Variants in UBN1 observed in about 807,000 individuals in gnomAD.
UBN1 encodes the protein ubinuclein-1.
Under a neutral mutation model 108.5 loss-of-function variants are expected in UBN1, and 17 were observed. The ratio of observed to expected loss-of-function variants is 0.16; its 90% CI spans 0.11 to 0.24. UBN1 has a LOEUF of 0.24. Ranked by LOEUF, UBN1 falls within the 10% of genes least tolerant of loss-of-function variation. UBN1 has a pLI of 1.00. For missense variants in UBN1, 1,595 were observed against 1,394.4 expected, an observed-to-expected ratio of 1.14 and a Z score of -2.29; for synonymous variants, 726 against 564.2, an observed-to-expected ratio of 1.29 and a Z score of -4.07.
chr16:4,869,305 G>A (rs1359503056), intron 8 of UBN1, among the ~76,000 whole-genome samples: 4 of 152,216 alleles, frequency 2.6e-5, no homozygotes, highest in East Asian at 1.9e-4. Flanking sequence ...GTTGCTTGGC[G>A]TCCCTGGCTG....
At chr16:4,871,828 T>C (rs764457542) in intron 12 of UBN1, among the ~76,000 whole-genome samples, 52 of 152,122 alleles carry the variant, frequency 3.4e-4, no homozygotes, top group Non-Finnish European at 6.5e-4. Flanking sequence ...CCTTGTGATC[T>C]GCCCACCTTG....
chr16:4,850,112 G>T (rs940323089), intron 1 of UBN1, among the ~76,000 whole-genome samples: 1 of 151,938 alleles, frequency 6.6e-6, no homozygotes, highest in Non-Finnish European at 1.5e-5. Flanking sequence ...TAAGTCTAAC[G>T]TACCATTGTT....
intron 1 of UBN1, among the ~76,000 whole-genome samples, chr16:4,849,353 A>C (rs1567872013): frequency 6.6e-6 from 1 of 152,152 alleles, no homozygotes; most frequent in Non-Finnish European, 1.5e-5. Context: ...GAAAACAAAA[A>C]CAAAAACCAA....
In UBN1 at chr16:4,870,907, T is replaced by C; in HGVS notation, c.1494T>C (p.Asp498=). 6.2e-7 allele frequency: 1 copy of C among 1,613,750 alleles called. No homozygotes were observed. The highest frequency in any genetic ancestry group is 8.5e-7 in the Non-Finnish European group (1 of 1,179,948). The change falls in exon 11 of 18, where the codon GAT becomes GAC. Residue 498 remains aspartate, a synonymous_variant. Coordinates refer to ENST00000262376, the MANE Select transcript of UBN1 (RefSeq NM_001079514.3). ...RDRICSDEEE[D]EEKGGRRIMG... is the part of the protein sequence containing the mutation. ...GGATTTGTTCGGATGAGGAAGAAGATGAAGAAAAAGGGGGCAGGAGGATAA... is the reference window on the plus strand; with the variant it reads ...GGATTTGTTCGGATGAGGAAGAAGACGAAGAAAAAGGGGGCAGGAGGATAA...
At chr16:4,856,645 C>T (rs1204323312) in intron 2 of UBN1, among the ~76,000 whole-genome samples, 3 of 151,560 alleles carry the variant, frequency 2.0e-5, no homozygotes, top group South Asian at 2.1e-4. Flanking sequence ...CTGGACCTTC[C>T]GTCATACAGT....
chr16:4,867,873 C>T (rs2087415661), intron 7 of UBN1, among the ~76,000 whole-genome samples: 1 of 152,150 alleles, frequency 6.6e-6, no homozygotes, highest in Non-Finnish European at 1.5e-5. Context: ...TACTGTATAT[C>T]ATGTCTGATT....
rs369469145 is a variant in UBN1, at chr16:4,874,814, C to A, written c.2404C>A (p.Pro802Thr). The change falls in exon 15 of 18, where the codon CCC becomes ACC. Residue 802 changes from proline to threonine, a missense_variant. By Grantham distance (38) the Pro-to-Thr change is conservative. Coordinates refer to ENST00000262376, the MANE Select transcript of UBN1 (RefSeq NM_001079514.3). ...CCAAGTGGCAGTTCCTGTGCCTGGC[C>A]CCCAGGTCAAAGTCTTTCATGCCGG... Reference protein sequence around the residue: ...GPQVAVPVPGPQVKVFHAGTQ... With the variant: ...GPQVAVPVPGTQVKVFHAGTQ... 6.2e-7 allele frequency: 1 copy of A among 1,613,978 alleles called. No homozygotes were observed. The highest frequency in any genetic ancestry group is 1.1e-5 in the South Asian group (1 of 91,090).
Position 4,872,797 on chromosome 16 carries a change from G to A in UBN1, c.1707-87G>A, listed in dbSNP as rs1012284444. On this transcript the variant is annotated intron_variant, in intron 12 of 17. Transcript: ENST00000262376. ...TGACATTTAATGAGGGATAGCTACT[G>A]AGGACCAGGGACACTAGCAAAGTTC... 2.0e-6 allele frequency: 3 copies of A among 1,484,376 alleles called. No individual in the cohort carries two copies. The African/African-American group carries it at 4.1e-5, about 21-fold the overall frequency. The allele number at this position is 1,484,376 out of a possible 1,614,324, so 92.0% of individuals were successfully genotyped here. A position where few individuals can be genotyped will look rare whatever the true frequency, so the allele number is the denominator to read the frequency against.
At chr16:4,871,404 C>G (rs867000958) in intron 12 of UBN1, 103 bp downstream of exon 12, 14 of 1,489,962 alleles carry the variant, frequency 9.4e-6, no homozygotes, top group Non-Finnish European at 1.3e-5. Flanking sequence ...GAGTCACTGT[C>G]TAGCTGCCTC....
In UBN1 at chr16:4,868,884, A is replaced by T; in HGVS notation, c.1162A>T (p.Ile388Phe). The T allele has an allele frequency of 6.2e-7, 1 of 1,613,934 alleles. No homozygotes were observed. Among genetic ancestry groups the T allele is most frequent in the Non-Finnish European group, 8.5e-7 (1 of 1,179,880 alleles). ...CAGACAGAAGTTCTTCACCCAGGAT[A>T]TTAATGGAATCCTATTAGAGTGAGT... is the stretch of plus-strand genomic sequence containing the variant. ...ESRQKFFTQD[I>F]NGILLDIEAQ... The change falls in exon 8 of 18, where the codon ATT (isoleucine) becomes TTT (phenylalanine). Residue 388 changes from isoleucine (I) to phenylalanine (F), a missense_variant. By Grantham distance (21) the Ile-to-Phe change is conservative. Transcript: ENST00000262376.
At chr16:4,852,647 T>C (rs556900821) in intron 1 of UBN1, 1 of 329,894 alleles carries the variant, frequency 3.0e-6, no homozygotes, top group Non-Finnish European at 5.6e-6. Flanking sequence ...GTCAAGGATC[T>C]AGGATACACA....
intron 2 of UBN1, among the ~76,000 whole-genome samples, chr16:4,854,645 C>G (rs536893570): frequency 6.6e-6 from 1 of 151,572 alleles, no homozygotes; most frequent in African/African-American, 2.4e-5. Context: ...GGATTATAGG[C>G]GTGAGTCACC....
chr16:4,859,298 GC>G, intron 5 of UBN1, 139 bp downstream of exon 5: 1 of 1,235,548 alleles, frequency 8.1e-7, no homozygotes, highest in Non-Finnish European at 1.1e-6. Flanking sequence ...CAGGTTGATG[GC>G]TCGCCTCTTA....
chr16:4,875,009 G>C lies in UBN1; in HGVS notation c.2599G>C (p.Ala867Pro), dbSNP rs568629414. Residue 867 changes from alanine to proline, a missense_variant, in exon 15 of 18, where the codon GCC (alanine) becomes CCC (proline). Physicochemically the swap from Ala to Pro is conservative, Grantham distance 27. Transcript: ENST00000262376. ...ACCAGCCACCTCAGGAGGCCTGTCA[G>C]CCTCCAGCAGCAGCTCTCACAAGAC... ...SAPATSGGLS[A>P]SSSSSHKTPA... is the part of the protein sequence containing the mutation. The C allele has an allele frequency of 4.0e-5, 64 of 1,614,070 alleles. No individual in the cohort carries two copies. The highest frequency in any genetic ancestry group is 4.9e-5 in the Non-Finnish European group (58 of 1,180,048).
rs1596532864 is a variant in UBN1 at position 4,877,894 on chromosome 16, G to A, written c.3355+420G>A. On this transcript the variant is annotated intron_variant, in intron 17 of 17. Transcript: ENST00000262376. This position sits in a 1 kb window ranked among gnomAD's most constrained non-coding sequence, Gnocchi z 4.3. ...AATGCAAGCTGCTCCACTGTCAGAT[G>A]TGATTGCTTAACAGAAGGCTCTCTA... The A allele has an allele frequency of 3.2e-6, 3 of 935,736 alleles. No individual in the cohort carries two copies. The African/African-American group carries it at 5.3e-5, about 17-fold the overall frequency. The allele number at this position is 935,736 out of a possible 1,614,324, so 58.0% of individuals were successfully genotyped here.
In UBN1 at chr16:4,881,033, T is replaced by G. The variant is rs973875273; in HGVS notation, c.*901T>G. 5 of 152,488 alleles carry G rather than the reference T, an allele frequency of 3.3e-5. No homozygotes were observed. Among genetic ancestry groups the G allele is most frequent in the African/African-American group, 1.2e-4 (5 of 41,450 alleles). 9.4% of individuals were successfully genotyped at this position (152,488 alleles called of 1,614,324 possible). ...ACATCATTATCTGTGCCGTCCTGACTAGAAGGTTGTCTGGGCCCCCAAATT... is the reference window on the plus strand; with the variant it reads ...ACATCATTATCTGTGCCGTCCTGACGAGAAGGTTGTCTGGGCCCCCAAATT... On this transcript the variant is annotated 3_prime_UTR_variant, in exon 18 of 18. Transcript: ENST00000262376.
intron 12 of UBN1, 151 bp downstream of exon 12, chr16:4,871,452 G>A: frequency 2.6e-6 from 3 of 1,166,158 alleles, no homozygotes; most frequent in Non-Finnish European, 3.5e-6. Flanking sequence ...GGACATGCAG[G>A]TAGCTGGGAA....
rs563624567 is a variant in UBN1 at position 4,875,143 on chromosome 16, T to C, written c.2733T>C (p.His911=). ...NNPFASSISK[H]GVSSGSSSSG... Reference sequence around the variant, plus strand: ...CCTTTGCCAGCTCAATCTCCAAACATGGGGTTTCTTCTGGCAGCTCTTCCT... The same window carrying C: ...CCTTTGCCAGCTCAATCTCCAAACACGGGGTTTCTTCTGGCAGCTCTTCCT... Residue 911 remains histidine (H), a synonymous_variant, in exon 15 of 18, where the codon CAT becomes CAC. Transcript: ENST00000262376. 4.3e-6 allele frequency: 7 copies of C among 1,614,062 alleles called. No homozygotes were observed. In the South Asian group the frequency reaches 6.6e-5, roughly 15 times the overall value.
At chr16:4,872,675 G>A (rs2087704545) in intron 12 of UBN1, among the ~76,000 whole-genome samples, 1 of 152,002 alleles carries the variant, frequency 6.6e-6, no homozygotes, top group African/African-American at 2.4e-5. Context: ...CACCATGTTG[G>A]CCAGGCTGGT....
Sources: gnomAD v4.1 joint callset for allele counts (sites outside exome capture counted in the v4.1 genomes callset) on GRCh38, gnomAD v4.1.1 for gene constraint, Gnocchi (gnomAD v3.1) non-coding constraint, MANE v1.5 for transcripts, NCBI Gene and HGNC (gene_info 2026-07-23, HGNC 2026-07-21) for gene names.